The following SLC12A6 variants were observed in gnomAD, a reference collection of about 807,000 sequenced individuals.
SLC12A6 encodes K-Cl cotransporter 3.
SLC12A6 carries 66 observed loss-of-function variants against 135.3 expected under a neutral mutation model. That is an observed-to-expected ratio of 0.49 (90% confidence interval 0.40 to 0.60). SLC12A6 has a LOEUF of 0.60. Ranked by LOEUF, SLC12A6 falls within the 20% of genes least tolerant of loss-of-function variation. The pLI, the probability that SLC12A6 is intolerant of heterozygous loss-of-function variation, is 0.00. For synonymous variants in SLC12A6, 513 were observed against 508.8 expected (o/e 1.01, Z -0.11); for missense variants, 1,058 against 1,452.3 (o/e 0.73, Z 4.41).
chr15:34,275,432 TC>T, intron 2 of SLC12A6, 43 bp from the exon 3 acceptor site: 1 of 1,092,666 alleles, frequency 9.2e-7, no homozygotes, highest in Non-Finnish European at 1.4e-6. Context: ...AAATGAATGA[TC>T]AAAACAAATA....
intron 22 of SLC12A6, 193 bp downstream of exon 22, chr15:34,237,223 AAAT>A (rs1478096812): frequency 3.8e-6 from 2 of 530,790 alleles, no homozygotes; most frequent in Non-Finnish European, 3.4e-6. Context: ...CAAAACCAAA[AAAT>A]AACATCAAAC....
chr15:34,283,379 A>ATAAT (rs1010944613), intron 2 of SLC12A6, among the ~76,000 whole-genome samples: 5 of 118,810 alleles, frequency 4.2e-5, no homozygotes, highest in African/African-American at 2.6e-4. Context: ...AAGATAATTA[A>ATAAT]TAAGATAATT....
intron 25 of SLC12A6, among the ~76,000 whole-genome samples, chr15:34,234,329 T>C (rs1188132873): frequency 2.6e-5 from 4 of 152,140 alleles, no homozygotes; most frequent in Non-Finnish European, 4.4e-5. Context: ...AAGTCAGATT[T>C]TTCTGCCAGT....
At chr15:34,290,422 G>T (rs1895434064) in intron 2 of SLC12A6, among the ~76,000 whole-genome samples, 1 of 152,216 alleles carries the variant, frequency 6.6e-6, no homozygotes, top group Non-Finnish European at 1.5e-5. Context: ...TTTAGAATAA[G>T]TGCTATGTGG....
In SLC12A6 at chr15:34,261,012, G is replaced by A; in HGVS notation, c.325C>T (p.His109Tyr). Residue 109 changes from histidine (H) to tyrosine (Y), a missense_variant, in exon 4 of 26, where the codon CAT becomes TAT. Around this residue, in one of 6 missense-constraint regions of SLC12A6, gnomAD observed 176 missense variants for 168.9 expected, o/e 1.04. Transcript: ENST00000354181. Reference protein sequence around the residue: ...GEHSQLLDDGHKKARNAYLNN... With the variant: ...GEHSQLLDDGYKKARNAYLNN... Reference sequence around the variant, plus strand: ...AGATAAGCATTTCGAGCTTTCTTATGTCCGTCGTCTGGAAAAAAAAAAGTA... The same window carrying A: ...AGATAAGCATTTCGAGCTTTCTTATATCCGTCGTCTGGAAAAAAAAAAGTA... 6.5e-7 allele frequency: 1 copy of A among 1,544,048 alleles called. No individual in the cohort carries two copies. Among genetic ancestry groups the A allele is most frequent in the Non-Finnish European group, 9.0e-7 (1 of 1,116,610 alleles).
intron 2 of SLC12A6, among the ~76,000 whole-genome samples, chr15:34,280,634 C>A (rs533117396): frequency 6.6e-6 from 1 of 152,100 alleles, no homozygotes. Context: ...AAAAGTACAA[C>A]TAGAACTACC....
At chr15:34,274,885 A>G (rs1002115151) in intron 3 of SLC12A6, among the ~76,000 whole-genome samples, 1 of 152,194 alleles carries the variant, frequency 6.6e-6, no homozygotes, top group African/African-American at 2.4e-5. Flanking sequence ...AAGTAAATTC[A>G]TTTCCATAAT....
intron 6 of SLC12A6, among the ~76,000 whole-genome samples, chr15:34,257,094 A>G (rs1310419332): frequency 6.6e-6 from 1 of 152,242 alleles, no homozygotes; most frequent in Non-Finnish European, 1.5e-5. Flanking sequence ...GTAGAAAACT[A>G]TAAAATTCAT....
chr15:34,322,797 G>A (rs1889189830), intron 2 of SLC12A6, among the ~76,000 whole-genome samples: 1 of 151,728 alleles, frequency 6.6e-6, no homozygotes, highest in Non-Finnish European at 1.5e-5. Context: ...AGCCAACATT[G>A]TGAAACCCCG....
In SLC12A6 at chr15:34,231,949, T is replaced by C. The variant is rs1242682134; in HGVS notation, c.*1932A>G. The stretch of plus-strand genomic sequence containing the variant: ...GTTTTCTCTGTCCTTACAGGTCAAA[T>C]GAATAATTTGTGACACCTAGGTCAG... On this transcript the variant is annotated 3_prime_UTR_variant, in exon 26 of 26. Transcript: ENST00000354181. The C allele has an allele frequency of 6.6e-6, 1 of 152,186 alleles. No homozygotes were observed. Among genetic ancestry groups the C allele is most frequent in the Non-Finnish European group, 1.5e-5 (1 of 68,040 alleles). 9.4% of individuals were successfully genotyped at this position (152,186 alleles called of 1,614,324 possible). A position where few individuals can be genotyped will look rare whatever the true frequency, so the allele number is the denominator to read the frequency against.
intron 2 of SLC12A6, among the ~76,000 whole-genome samples, chr15:34,294,081 G>A (rs1335390815): frequency 6.6e-6 from 1 of 152,120 alleles, no homozygotes; most frequent in African/African-American, 2.4e-5. Flanking sequence ...TTTCTTTCTT[G>A]TGTAAATTAC....
chr15:34,265,982 T>C (rs1027316244), intron 3 of SLC12A6, among the ~76,000 whole-genome samples: 1 of 150,788 alleles, frequency 6.6e-6, no homozygotes, highest in South Asian at 2.1e-4. Flanking sequence ...AATAGTTCAT[T>C]TGGGAAGCAG....
Position 34,241,227 on chromosome 15 carries a change from C to A in SLC12A6, c.2267+6G>T, listed in dbSNP as rs1205721914. 6.8e-7 allele frequency: 1 copy of A among 1,480,288 alleles called. No individual in the cohort carries two copies. The highest frequency in any genetic ancestry group is 9.5e-7 in the Non-Finnish European group (1 of 1,057,924). 91.7% of individuals were successfully genotyped at this position (1,480,288 alleles called of 1,614,324 possible). A position where few individuals can be genotyped will look rare whatever the true frequency, so the allele number is the denominator to read the frequency against. ...TGCCAAATACTGCTAGTGTTGATTT[C>A]TTTACCTCCAGTTTTTAGTGTGTGG... On this transcript the variant is annotated splice_donor_region_variant and intron_variant, in intron 18 of 25. Transcript: ENST00000354181.
At chr15:34,309,199 C>A (rs1887976364) in intron 2 of SLC12A6, among the ~76,000 whole-genome samples, 2 of 152,146 alleles carry the variant, frequency 1.3e-5, no homozygotes, top group African/African-American at 4.8e-5. Context: ...CCTCTTTCAG[C>A]CTGGCCAAAG....
chr15:34,259,948 G>T (rs906765174), intron 4 of SLC12A6, among the ~76,000 whole-genome samples: 5 of 152,166 alleles, frequency 3.3e-5, no homozygotes, highest in African/African-American at 1.2e-4. Flanking sequence ...GTAGGGGAAG[G>T]GGGAGAGGTT....
chr15:34,258,083 A>G (rs541933801), intron 5 of SLC12A6, among the ~76,000 whole-genome samples: 1 of 152,314 alleles, frequency 6.6e-6, no homozygotes, highest in African/African-American at 2.4e-5. Context: ...AACAATTTAA[A>G]ATTTTGTTTT....
chr15:34,279,356 CAAAG>C (rs1414731968), intron 2 of SLC12A6, among the ~76,000 whole-genome samples: 5 of 151,702 alleles, frequency 3.3e-5, no homozygotes, highest in African/African-American at 4.8e-5. Context: ...ACAAAAAAAA[CAAAG>C]AACTAAAATA....
rs2140641513 is a variant in SLC12A6, at chr15:34,236,782, G to A, written c.2968C>T (p.Arg990Cys). 1.2e-6 allele frequency: 2 copies of A among 1,611,616 alleles called. No homozygotes were observed. Among genetic ancestry groups the A allele is most frequent in the Non-Finnish European group, 1.7e-6 (2 of 1,177,718 alleles). Residue 990 changes from arginine to cysteine, a missense_variant, in exon 23 of 26, where the codon CGC (arginine) becomes TGC (cysteine). Physicochemically the swap from Arg to Cys is radical, Grantham distance 180. Around this residue, in one of 6 missense-constraint regions of SLC12A6, gnomAD observed 245 missense variants for 440.8 expected, o/e 0.56. Transcript: ENST00000354181. ...DSDISAYTYE[R>C]TLMMEQRSQM... ...GACCTTTGTTCCATCATCAAAGTGC[G>A]CTCGTAAGTATATGCTGATATATCA...
intron 2 of SLC12A6, among the ~76,000 whole-genome samples, chr15:34,277,358 C>G (rs527764631): frequency 6.6e-6 from 1 of 152,222 alleles, no homozygotes; most frequent in South Asian, 2.1e-4. Context: ...TTCCCTTGAA[C>G]CCAAGAGTTA....
Sources: gnomAD v4.1 joint callset for allele counts (sites outside exome capture counted in the v4.1 genomes callset) on GRCh38, gnomAD v4.1.1 for gene constraint, gnomAD v4.1.1 regional missense constraint, MANE v1.5 for transcripts, NCBI Gene and HGNC (gene_info 2026-07-23, HGNC 2026-07-21) for gene names.